The following PCDHGA1 variants were observed in gnomAD, a reference collection of about 807,000 sequenced individuals.
The protein encoded by PCDHGA1 is protocadherin gamma subfamily A, 1.
Under a neutral mutation model 58.0 loss-of-function variants are expected in PCDHGA1, and 32 were observed. That is an observed-to-expected ratio of 0.55 (90% CI 0.42 to 0.74). PCDHGA1 has a LOEUF of 0.74. Among genes scored for constraint, PCDHGA1 ranks in the 30% least tolerant of loss-of-function variants. The pLI is 0.00. For synonymous variants in PCDHGA1, 498 were observed against 501.1 expected (o/e 0.99, Z 0.08); for missense variants, 1,205 against 1,182.3 (o/e 1.02, Z -0.28).
rs1412265811 is a variant in PCDHGA1, at chr5:141,461,565, A to G, written c.2422-33242A>G. Among the ~76,000 whole-genome samples the G allele has an allele frequency of 2.6e-5, 4 of 152,178 alleles. No individual in the cohort carries two copies. The East Asian group carries it at 7.7e-4, about 29-fold the overall frequency. On this transcript the variant is annotated intron_variant, in intron 1 of 3. Coordinates refer to ENST00000517417, the MANE Select transcript of PCDHGA1 (RefSeq NM_018912.3). ...CCTTTGTCAGATGTGTACTTTGCAA[A>G]GATAATATTTTGGATGTTATATTTC...
At chr5:141,464,418 T>C (rs1244881278) in intron 1 of PCDHGA1, among the ~76,000 whole-genome samples, 2 of 151,652 alleles carry the variant, frequency 1.3e-5, no homozygotes, top group Non-Finnish European at 2.9e-5. Flanking sequence ...TATATATCTA[T>C]ATATATAGAT....
In PCDHGA1 at chr5:141,366,067, T is replaced by C. The variant is rs11750908; in HGVS notation, c.2421+32962T>C. 6.6e-3 allele frequency: 10,611 copies of C among 1,614,204 alleles called. 55 individuals carry two copies. Among genetic ancestry groups the C allele is most frequent in the Non-Finnish European group, 7.8e-3 (9,251 of 1,180,030 alleles). On this transcript the variant is annotated intron_variant, in intron 1 of 3. Coordinates refer to ENST00000517417, the MANE Select transcript of PCDHGA1 (RefSeq NM_018912.3). ...GTTCCACGGGCGTGGAGCTGGCGCCTCGCTCCGCAGAACCTGGCTACCTGG... is the reference window on the plus strand; with the variant it reads ...GTTCCACGGGCGTGGAGCTGGCGCCCCGCTCCGCAGAACCTGGCTACCTGG...
intron 1 of PCDHGA1, among the ~76,000 whole-genome samples, chr5:141,472,980 C>CAAAAAAAAAAAAAAAAAGAAAAAA (rs2099309731): frequency 2.3e-5 from 2 of 86,106 alleles, no homozygotes; most frequent in Non-Finnish European, 5.0e-5. Flanking sequence ...GAGTGAAACT[C>CAAAAAAAAAAAAAAAAAGAAAAAA]AAAAAAAAAA....
chr5:141,459,044 A>T (rs2098959649), intron 1 of PCDHGA1, among the ~76,000 whole-genome samples: 1 of 152,204 alleles, frequency 6.6e-6, no homozygotes, highest in Non-Finnish European at 1.5e-5. Flanking sequence ...TACCAGCTAT[A>T]TTGAAGTATA....
At position 141,477,055 on chromosome 5, in the gene PCDHGA1, G is replaced by A. The variant is rs531755338; in HGVS notation, c.2422-17752G>A. Reference sequence around the variant, plus strand: ...CAATCAAGGGTCGGCTGGACTTCGAGGACACCAAACTCCATGAGATTTACA... The same window carrying A: ...CAATCAAGGGTCGGCTGGACTTCGAAGACACCAAACTCCATGAGATTTACA... On this transcript the variant is annotated intron_variant, in intron 1 of 3. Transcript: ENST00000517417. This position sits in a 1 kb window ranked among gnomAD's most constrained non-coding sequence, Gnocchi z 4.9. The A allele has an allele frequency of 4.5e-5, 72 of 1,614,242 alleles. 1 individual carries two copies. In the South Asian group the frequency reaches 7.8e-4, roughly 17 times the overall value.
chr5:141,419,507 G>A (rs909984738), intron 1 of PCDHGA1: 2 of 1,612,198 alleles, frequency 1.2e-6, no homozygotes, highest in Non-Finnish European at 1.7e-6. Context: ...GAGCCTGCGC[G>A]TGTTGGTGGG....
chr5:141,413,599 C>G, intron 1 of PCDHGA1: 2 of 1,613,830 alleles, frequency 1.2e-6, no homozygotes, highest in East Asian at 2.2e-5. Flanking sequence ...AGCAGAAAAT[C>G]TAGACGTAAA....
chr5:141,360,821 G>T, intron 1 of PCDHGA1: 1 of 1,613,924 alleles, frequency 6.2e-7, no homozygotes, highest in Non-Finnish European at 8.5e-7. Flanking sequence ...ACCCAAATCC[G>T]AATCAAAGTC....
At position 141,419,393 on chromosome 5, in the gene PCDHGA1, G is replaced by C; in HGVS notation, c.2422-75414G>C. On this transcript the variant is annotated intron_variant, in intron 1 of 3. Transcript: ENST00000517417. ...CTACGTGTCCGTGAGCGCGCAGAGC[G>C]GGGTGGTGTTCGCGCAGCGCGCCTT... 1.2e-6 allele frequency: 2 copies of C among 1,613,620 alleles called. No homozygotes were observed. The highest frequency in any genetic ancestry group is 1.7e-6 in the Non-Finnish European group (2 of 1,179,912).
chr5:141,351,011 A>C (rs1417142808), intron 1 of PCDHGA1: 1 of 1,614,030 alleles, frequency 6.2e-7, no homozygotes, highest in Non-Finnish European at 8.5e-7. Flanking sequence ...CCTCCAAGAA[A>C]ACGTACCGTG....
At chr5:141,371,647 A>G (rs759543088) in intron 1 of PCDHGA1, 2 of 1,614,044 alleles carry the variant, frequency 1.2e-6, no homozygotes, top group South Asian at 1.1e-5. Flanking sequence ...ATCCCAGAAT[A>G]CAATGTGACG....
intron 1 of PCDHGA1, chr5:141,355,056 T>C (rs1323351073): frequency 3.2e-6 from 4 of 1,231,780 alleles, no homozygotes; most frequent in Admixed American, 5.8e-5. Context: ...AAGCACTGGC[T>C]CTGGAGCTTT....
At chr5:141,361,977 C>G in intron 1 of PCDHGA1, 1 of 1,601,656 alleles carries the variant, frequency 6.2e-7, no homozygotes, top group Non-Finnish European at 8.5e-7. Context: ...CCAGCGAGCC[C>G]GGGCTCTTCA....
At chr5:141,355,218 T>C in intron 1 of PCDHGA1, 1 of 1,604,388 alleles carries the variant, frequency 6.2e-7, no homozygotes, top group Non-Finnish European at 8.5e-7. Flanking sequence ...CGCCTCCTGC[T>C]CGCCCAGACC....
chr5:141,433,223 T>C lies in PCDHGA1; in HGVS notation c.2422-61584T>C, dbSNP rs2097577369. On this transcript the variant is annotated intron_variant, in intron 1 of 3. Coordinates refer to ENST00000517417, the MANE Select transcript of PCDHGA1 (RefSeq NM_018912.3). The stretch of plus-strand genomic sequence containing the variant: ...AATCTTCTTTCTTTTTTTTTTTTAA[T>C]TGCTCTGTCTCCCAAGCTGGAATGC... The C allele has an allele frequency of 4.6e-6, 7 of 1,525,952 alleles. No individual in the cohort carries two copies. In the East Asian group the frequency reaches 1.6e-4, roughly 34 times the overall value. The allele number at this position is 1,525,952 out of a possible 1,614,324, so 94.5% of individuals were successfully genotyped here. A position where few individuals can be genotyped will look rare whatever the true frequency, so the allele number is the denominator to read the frequency against.
At chr5:141,415,740 G>GTTTTTTTTTTTTTTTGT (rs2095912649) in intron 1 of PCDHGA1, 1 of 515,998 alleles carries the variant, frequency 1.9e-6, no homozygotes, top group Non-Finnish European at 2.6e-6. Flanking sequence ...GTTTATTAAG[G>GTTTTTTTTTTTTTTTGT]TTTTTTTTTT....
intron 1 of PCDHGA1, chr5:141,362,423 CAG>C (rs763364016): frequency 6.2e-7 from 1 of 1,614,052 alleles, no homozygotes; most frequent in Admixed American, 1.7e-5. Context: ...TCAGCCAAGA[CAG>C]AGTTCAATTT....
rs1457765340 is a variant in PCDHGA1 at position 141,491,122 on chromosome 5, G to GT, written c.2422-3684dup. 1 of 1,614,058 alleles carries GT rather than the reference G, an allele frequency of 6.2e-7. No homozygotes were observed. Among genetic ancestry groups the GT allele is most frequent in the Non-Finnish European group, 8.5e-7 (1 of 1,180,036 alleles). Reference sequence around the variant, plus strand: ...CCTCGTGTCTACACACACTGGTGAGGTGCGCACAGCCCGGGCCTTACTGGA... The same window carrying GT: ...CCTCGTGTCTACACACACTGGTGAGGTTGCGCACAGCCCGGGCCTTACTGGA... On this transcript the variant is annotated intron_variant, in intron 1 of 3. Coordinates refer to ENST00000517417, the MANE Select transcript of PCDHGA1 (RefSeq NM_018912.3). The surrounding 1 kb of genome is among the most constrained non-coding windows in gnomAD (Gnocchi z 6.9).
rs547212517 is a variant in PCDHGA1 at position 141,339,111 on chromosome 5, A to C, written c.2421+6006A>C. The stretch of plus-strand genomic sequence containing the variant: ...ATCGACAGAGGCTCCTTCGTAGGCA[A>C]CATCGCCAAGGACTTGGGTTTGGAG... On this transcript the variant is annotated intron_variant, in intron 1 of 3. Transcript: ENST00000517417. The C allele has an allele frequency of 1.2e-6, 2 of 1,614,244 alleles. 1 individual carries two copies. The highest frequency in any genetic ancestry group is 2.2e-5 in the South Asian group (2 of 91,092).
Sources: gnomAD v4.1 joint callset for allele counts (sites outside exome capture counted in the v4.1 genomes callset) on GRCh38, gnomAD v4.1.1 for gene constraint, Gnocchi (gnomAD v3.1) non-coding constraint, MANE v1.5 for transcripts, NCBI Gene and HGNC (gene_info 2026-07-23, HGNC 2026-07-21) for gene names.